The following ABLIM1 variants were observed in gnomAD, a reference collection of about 807,000 sequenced individuals.
ABLIM1 encodes actin-binding LIM protein 1.
In ABLIM1, 40 loss-of-function variants were observed where a neutral mutation model predicts 107.0. That is an observed-to-expected ratio of 0.37 (90% CI 0.29 to 0.49). The LOEUF (loss-of-function observed/expected upper bound fraction) is 0.49. ABLIM1 is among the 20% of genes least tolerant of loss of function. The pLI is 0.97. For missense variants in ABLIM1, 857 were observed against 1,008.5 expected (o/e 0.85, Z 2.04); for synonymous variants, 357 against 357.3 (o/e 1.00, Z 0.01).
At chr10:114,613,502 G>A (rs762570512) in intron 1 of ABLIM1, among the ~76,000 whole-genome samples, 3 of 152,146 alleles carry the variant, frequency 2.0e-5, no homozygotes, top group African/African-American at 2.4e-5. Flanking sequence ...AACATTTACC[G>A]GCACACCATT....
Position 114,473,051 on chromosome 10 carries a change from G to A in ABLIM1, c.1201C>T (p.Pro401Ser). ...AAAGGCTCATAGGTAATAAGATCTG[G>A]ACGTTCAATGTCATAAATTGCCTTG... Reference protein sequence around the residue: ...KVKAIYDIERPDLITYEPFYT... With the variant: ...KVKAIYDIERSDLITYEPFYT... The change falls in exon 10 of 23, where the codon CCA becomes TCA. Residue 401 changes from proline (P) to serine (S), a missense_variant. Around this residue, in one of 5 missense-constraint regions of ABLIM1, gnomAD observed 381 missense variants for 506.9 expected, o/e 0.75. Transcript: ENST00000533213. 3 of 1,613,546 alleles carry A rather than the reference G, an allele frequency of 1.9e-6. No homozygotes were observed. The highest frequency in any genetic ancestry group is 2.5e-6 in the Non-Finnish European group (3 of 1,179,740).
chr10:114,763,058 T>C (rs1566315624), intron 1 of ABLIM1, among the ~76,000 whole-genome samples: 2 of 152,234 alleles, frequency 1.3e-5, no homozygotes, highest in African/African-American at 4.8e-5. Context: ...TGGGCCTTTT[T>C]CCTCATGACT....
chr10:114,737,782 G>C (rs1045633017), intron 1 of ABLIM1, among the ~76,000 whole-genome samples: 2 of 152,108 alleles, frequency 1.3e-5, no homozygotes, highest in East Asian at 1.9e-4. Flanking sequence ...TCAGGAGATA[G>C]TGGCCAAAAT....
chr10:114,719,642 A>G (rs888428564), intron 1 of ABLIM1, among the ~76,000 whole-genome samples: 43 of 152,266 alleles, frequency 2.8e-4, no homozygotes, highest in African/African-American at 9.9e-4. Context: ...CACACAGCTG[A>G]CCTTAGGAAA....
intron 1 of ABLIM1, among the ~76,000 whole-genome samples, chr10:114,626,749 A>G (rs2077832862): frequency 6.6e-6 from 1 of 152,132 alleles, no homozygotes. Flanking sequence ...ATGTGGCCCT[A>G]TTTGGAGATA....
At chr10:114,621,360 T>C (rs1260791236) in intron 1 of ABLIM1, among the ~76,000 whole-genome samples, 1 of 152,202 alleles carries the variant, frequency 6.6e-6, no homozygotes, top group African/African-American at 2.4e-5. Context: ...TATGTGTTGC[T>C]ATATCTAGAT....
chr10:114,437,936 GA>G lies in ABLIM1; in HGVS notation c.2143-13del. Reference sequence around the variant, plus strand: ...TCATATGGAAATATCTGAGAAGAAAGAAAACACCTCTTCTAGAACACCACAG... The same window carrying G: ...TCATATGGAAATATCTGAGAAGAAAGAAACACCTCTTCTAGAACACCACAG... On this transcript the variant is annotated splice_polypyrimidine_tract_variant and intron_variant, in intron 21 of 22. Coordinates refer to ENST00000533213, the MANE Select transcript of ABLIM1 (RefSeq NM_002313.7). 1.2e-6 allele frequency: 2 copies of G among 1,608,876 alleles called. No individual in the cohort carries two copies. Among genetic ancestry groups the G allele is most frequent in the Non-Finnish European group, 1.7e-6 (2 of 1,175,346 alleles).
intron 1 of ABLIM1, among the ~76,000 whole-genome samples, chr10:114,654,606 C>A (rs2079409185): frequency 6.6e-6 from 1 of 152,168 alleles, no homozygotes; most frequent in Admixed American, 6.5e-5. Flanking sequence ...ACCACCATGC[C>A]CAGCCAGGTT....
At chr10:114,699,513 G>C (rs902037934) in intron 1 of ABLIM1, among the ~76,000 whole-genome samples, 1 of 152,098 alleles carries the variant, frequency 6.6e-6, no homozygotes, top group Non-Finnish European at 1.5e-5. Flanking sequence ...TCAGAAGACA[G>C]AAAGTGTGGG....
chr10:114,439,402 A>G (rs2059885336), intron 20 of ABLIM1, 152 bp from the exon 21 acceptor site: 1 of 796,176 alleles, frequency 1.3e-6, no homozygotes, highest in Non-Finnish European at 2.1e-6. Context: ...TCAAAATGAG[A>G]TCCTTGCTGT....
At chr10:114,768,098 T>C, upstream of ABLIM1, 1 of 428,722 alleles carries the variant, frequency 2.3e-6, no homozygotes, top group Non-Finnish European at 4.6e-6. Context: ...GAGCCGGAGC[T>C]GGAAGGCGTT....
intron 1 of ABLIM1, among the ~76,000 whole-genome samples, chr10:114,665,743 C>T (rs931128048): frequency 2.6e-5 from 4 of 152,116 alleles, no homozygotes; most frequent in African/African-American, 7.2e-5. Flanking sequence ...TACTTAAAAC[C>T]ACAAATTTGT....
chr10:114,582,766 ACT>A (rs892243288), intron 2 of ABLIM1, among the ~76,000 whole-genome samples: 32 of 152,140 alleles, frequency 2.1e-4, no homozygotes, highest in African/African-American at 7.7e-4. Flanking sequence ...GGAGGAAAGG[ACT>A]CTCTATTCAA....
chr10:114,601,749 A>T (rs994846821), intron 2 of ABLIM1, 78 bp downstream of exon 2: 44 of 1,599,100 alleles, frequency 2.8e-5, no homozygotes, highest in Non-Finnish European at 3.5e-5. Context: ...CCGGATGTGG[A>T]GTTAAGGGGA....
intron 1 of ABLIM1, among the ~76,000 whole-genome samples, chr10:114,758,766 G>C (rs551307524): frequency 1.1e-4 from 17 of 152,108 alleles, no homozygotes; most frequent in African/African-American, 3.6e-4. Context: ...AAAGACCCTG[G>C]ACACAGCCTA....
chr10:114,649,314 A>G (rs76773927), intron 1 of ABLIM1, among the ~76,000 whole-genome samples: 3,200 of 151,914 alleles, frequency 0.021, 100 homozygotes, highest in African/African-American at 0.073. Flanking sequence ...GGCACAGAGA[A>G]TCGCTGGAAC....
chr10:114,595,264 T>A (rs1050629922), intron 2 of ABLIM1: 1 of 152,148 alleles, frequency 6.6e-6, no homozygotes, highest in South Asian at 2.1e-4. Context: ...TAAAATGAAC[T>A]ATAATTCACA....
intron 12 of ABLIM1, among the ~76,000 whole-genome samples, chr10:114,460,425 A>AC (rs1445929541): frequency 6.6e-6 from 1 of 152,090 alleles, no homozygotes; most frequent in Non-Finnish European, 1.5e-5. Flanking sequence ...ACATGGTGAA[A>AC]CCCCGTCTCT....
intron 12 of ABLIM1, among the ~76,000 whole-genome samples, chr10:114,464,096 C>G (rs945283358): frequency 4.6e-5 from 7 of 152,232 alleles, no homozygotes; most frequent in African/African-American, 1.7e-4. Flanking sequence ...CAACAATGCC[C>G]CTATAACCCC....
Sources: allele counts gnomAD v4.1 joint callset (sites outside exome capture counted in the v4.1 genomes callset), GRCh38; gene constraint gnomAD v4.1.1; regional missense constraint gnomAD v4.1.1; transcripts MANE v1.5; gene names NCBI Gene and HGNC (gene_info 2026-07-23, HGNC 2026-07-21).